Variants in EML6 observed in about 807,000 individuals in gnomAD.
The protein encoded by EML6 is echinoderm microtubule-associated protein-like 6.
EML6 carries 154 observed loss-of-function variants against 240.1 expected under a neutral mutation model. That is an observed-to-expected ratio of 0.64 (90% CI 0.56 to 0.73). The LOEUF is 0.73. Among genes scored for constraint, EML6 ranks in the 30% least tolerant of loss-of-function variants. The pLI, the probability that EML6 is intolerant of heterozygous loss-of-function variation, is 0.00. For synonymous variants in EML6, 1,148 were observed against 899.0 expected, an observed-to-expected ratio of 1.28 and a Z score of -4.95; for missense variants, 2,964 against 2,474.6, an observed-to-expected ratio of 1.20 and a Z score of -4.20.
At chr2:54,910,840 C>G in intron 24 of EML6, 114 bp from the exon 25 acceptor site, 1 of 578,310 alleles carries the variant, frequency 1.7e-6, no homozygotes, top group Non-Finnish European at 3.2e-6. Flanking sequence ...TGTATTTACT[C>G]AATTTGTGAG....
chr2:54,875,488 A>G (rs1671458839), intron 16 of EML6, among the ~76,000 whole-genome samples: 1 of 152,206 alleles, frequency 6.6e-6, no homozygotes, highest in Non-Finnish European at 1.5e-5. Context: ...ATGGACACCT[A>G]CTGATAGCGT....
At chr2:54,957,352 A>AG (rs1241885970) in intron 32 of EML6, among the ~76,000 whole-genome samples, 53 of 62,178 alleles carry the variant, frequency 8.5e-4, no homozygotes, top group East Asian at 6.0e-3. Context: ...GGAGAATCTT[A>AG]GGAAAAAAAA....
chr2:54,917,829 C>A (rs1573139149), intron 26 of EML6, among the ~76,000 whole-genome samples: 2 of 152,174 alleles, frequency 1.3e-5, no homozygotes, highest in African/African-American at 4.8e-5. Flanking sequence ...CGATGGCTTA[C>A]AGCTGTCCCC....
intron 7 of EML6, among the ~76,000 whole-genome samples, chr2:54,831,528 G>C (rs1280428129): frequency 6.6e-6 from 1 of 152,046 alleles, no homozygotes; most frequent in African/African-American, 2.4e-5. Context: ...TTATACATCA[G>C]TCTCAGATTC....
chr2:54,921,071 C>A (rs985985704), intron 26 of EML6, among the ~76,000 whole-genome samples: 1 of 151,860 alleles, frequency 6.6e-6, no homozygotes, highest in African/African-American at 2.4e-5. Context: ...GAAAACTTTT[C>A]CTTTAAGATA....
chr2:54,808,440 A>C (rs994322172), intron 2 of EML6, among the ~76,000 whole-genome samples: 5 of 152,108 alleles, frequency 3.3e-5, no homozygotes, highest in African/African-American at 1.2e-4. Flanking sequence ...TGCCTCTGAC[A>C]TGGAAAAGCT....
intron 32 of EML6, among the ~76,000 whole-genome samples, chr2:54,955,536 T>C (rs924546320): frequency 6.6e-6 from 1 of 152,198 alleles, no homozygotes; most frequent in African/African-American, 2.4e-5. Context: ...GTTTCTTCTG[T>C]GCTGCTAACT....
chr2:54,761,014 A>G (rs1048471425), intron 2 of EML6, among the ~76,000 whole-genome samples: 1 of 152,110 alleles, frequency 6.6e-6, no homozygotes, highest in African/African-American at 2.4e-5. Context: ...TTTGAGGTTT[A>G]TGCTAGTGAA....
chr2:54,854,908 A>T (rs1200761991), intron 11 of EML6, among the ~76,000 whole-genome samples: 1 of 152,208 alleles, frequency 6.6e-6, no homozygotes, highest in African/African-American at 2.4e-5. Flanking sequence ...TTAGGCCTCC[A>T]AGAAAGTACC....
chr2:54,764,656 G>A (rs1668111625), intron 2 of EML6, among the ~76,000 whole-genome samples: 2 of 152,184 alleles, frequency 1.3e-5, no homozygotes, highest in African/African-American at 4.8e-5. Context: ...ACAAGAATAG[G>A]TTAAAGGCTG....
intron 19 of EML6, among the ~76,000 whole-genome samples, chr2:54,892,902 A>G (rs1478193129): frequency 1.3e-5 from 2 of 152,106 alleles, no homozygotes; most frequent in African/African-American, 4.8e-5. Context: ...CCTGGCGCCC[A>G]CTCATGAGAG....
intron 2 of EML6, among the ~76,000 whole-genome samples, chr2:54,790,968 G>T (rs1003706723): frequency 2.0e-5 from 3 of 151,634 alleles, no homozygotes; most frequent in African/African-American, 4.8e-5. Flanking sequence ...CTCGTGATCC[G>T]CCCGCCTCGG....
chr2:54,739,936 A>G (rs781636480), intron 2 of EML6, among the ~76,000 whole-genome samples: 3 of 152,128 alleles, frequency 2.0e-5, no homozygotes, highest in Non-Finnish European at 4.4e-5. Context: ...GATGGATTGG[A>G]TATGGGAGAG....
At chr2:54,831,116 A>ATATACC (rs1331606235) in intron 7 of EML6, among the ~76,000 whole-genome samples, 12 of 152,328 alleles carry the variant, frequency 7.9e-5, no homozygotes. Context: ...CTGAACCATG[A>ATATACC]AACTTCTTGG....
intron 2 of EML6, among the ~76,000 whole-genome samples, chr2:54,795,678 T>C (rs1404086479): frequency 6.6e-6 from 1 of 152,202 alleles, no homozygotes; most frequent in Non-Finnish European, 1.5e-5. Context: ...CCACATGCAC[T>C]GCGCTGCCCC....
intron 2 of EML6, among the ~76,000 whole-genome samples, chr2:54,751,390 A>G (rs1450918365): frequency 6.6e-6 from 1 of 152,206 alleles, no homozygotes; most frequent in African/African-American, 2.4e-5. Flanking sequence ...GCTTCTGAAC[A>G]GAAGATTCCC....
chr2:54,781,261 G>A (rs773458684), intron 2 of EML6, among the ~76,000 whole-genome samples: 4 of 152,186 alleles, frequency 2.6e-5, no homozygotes, highest in African/African-American at 9.7e-5. Flanking sequence ...TTTTCTGGCA[G>A]TGGTGATAGA....
chr2:54,744,547 G>T (rs1683812389), intron 2 of EML6, among the ~76,000 whole-genome samples: 2 of 152,032 alleles, frequency 1.3e-5, no homozygotes. Context: ...AGTCAGGGAG[G>T]CCAGTGTGAA....
chr2:54,760,939 A>T (rs1667956129), intron 2 of EML6, among the ~76,000 whole-genome samples: 1 of 151,316 alleles, frequency 6.6e-6, no homozygotes, highest in Non-Finnish European at 1.5e-5. Context: ...GAGGCTTAGT[A>T]TGATGAATGG....
Sources: allele counts gnomAD v4.1 joint callset (sites outside exome capture counted in the v4.1 genomes callset), GRCh38; gene constraint gnomAD v4.1.1; transcripts MANE v1.5; gene names NCBI Gene and HGNC (gene_info 2026-07-23, HGNC 2026-07-21).